Variants in AGAP1 observed in about 807,000 individuals in gnomAD.
AGAP1 encodes the protein arf-GAP with GTPase, ANK repeat and PH domain-containing protein 1.
In AGAP1, 29 loss-of-function variants were observed where a neutral mutation model predicts 105.3. That is an observed-to-expected ratio of 0.28 (90% confidence interval 0.21 to 0.38). AGAP1 has a LOEUF of 0.38. Ranked by LOEUF, AGAP1 falls within the 10% of genes least tolerant of loss-of-function variation. The pLI, the probability that AGAP1 is intolerant of heterozygous loss-of-function variation, is 1.00. For missense variants in AGAP1, 998 were observed against 1,165.1 expected, an observed-to-expected ratio of 0.86 and a Z score of 2.09; for synonymous variants, 509 against 485.9, an observed-to-expected ratio of 1.05 and a Z score of -0.63.
At chr2:235,682,381 T>C (rs1400145887) in intron 1 of AGAP1, among the ~76,000 whole-genome samples, 1 of 151,106 alleles carries the variant, frequency 6.6e-6, no homozygotes, top group Non-Finnish European at 1.5e-5. Context: ...CTCACTCTGT[T>C]GCCCAGGCTG....
chr2:235,876,506 C>T (rs931650513), intron 9 of AGAP1, among the ~76,000 whole-genome samples: 1 of 152,202 alleles, frequency 6.6e-6, no homozygotes. Context: ...CCTCCTTGAA[C>T]GTGGAACCTC....
At chr2:235,511,684 C>T (rs996903491) in intron 1 of AGAP1, among the ~76,000 whole-genome samples, 7 of 152,132 alleles carry the variant, frequency 4.6e-5, no homozygotes, top group African/African-American at 1.4e-4. Context: ...TTGACAATTC[C>T]GCATTCAAGA....
At chr2:235,590,813 C>T (rs1469374735) in intron 1 of AGAP1, among the ~76,000 whole-genome samples, 5 of 147,070 alleles carry the variant, frequency 3.4e-5, no homozygotes, top group Non-Finnish European at 7.5e-5. Context: ...CTCTACCTCC[C>T]GGGTTCATGC....
At chr2:236,025,584 G>A (rs1294108800) in intron 13 of AGAP1, among the ~76,000 whole-genome samples, 4 of 152,074 alleles carry the variant, frequency 2.6e-5, no homozygotes, top group Admixed American at 6.5e-5. Flanking sequence ...CAATGCCACC[G>A]AAGTGTAAAC....
chr2:236,116,357 C>CTTTTTTTTT (rs371846381), intron 16 of AGAP1, among the ~76,000 whole-genome samples: 1 of 129,080 alleles, frequency 7.7e-6, no homozygotes, highest in Non-Finnish European at 1.7e-5. Context: ...TAATTAAGTT[C>CTTTTTTTTT]TTTTTTTTTT....
At chr2:235,817,519 T>A (rs1461932160) in intron 9 of AGAP1, among the ~76,000 whole-genome samples, 2 of 152,134 alleles carry the variant, frequency 1.3e-5, no homozygotes, top group Non-Finnish European at 2.9e-5. Context: ...ACCAAAACAC[T>A]CTTTCCTTGG....
At chr2:235,915,462 C>G (rs183660083) in intron 11 of AGAP1, among the ~76,000 whole-genome samples, 1 of 98,200 alleles carries the variant, frequency 1.0e-5, no homozygotes, top group Admixed American at 1.2e-4. Flanking sequence ...ATCCCCTGAG[C>G]CCAAGAGTTC....
Position 235,963,097 on chromosome 2 carries a change from G to C in AGAP1, c.1484-5365G>C, listed in dbSNP as rs2054256955. On this transcript the variant is annotated intron_variant, in intron 12 of 17. Transcript: ENST00000304032. This position sits in a 1 kb window ranked among gnomAD's most constrained non-coding sequence, Gnocchi z 5.1. ...GGTCTCTTAGAGGAAGGTGGGTGGT[G>C]GTATTTCCAAGTGCTGTCTCCTTCC... is the stretch of plus-strand genomic sequence containing the variant. Among the ~76,000 whole-genome samples, 1 of 152,122 alleles carries C rather than the reference G, an allele frequency of 6.6e-6. No individual in the cohort carries two copies. The highest frequency in any genetic ancestry group is 1.5e-5 in the Non-Finnish European group (1 of 68,022).
intron 16 of AGAP1, among the ~76,000 whole-genome samples, chr2:236,098,560 A>G (rs1333271252): frequency 6.7e-6 from 1 of 150,078 alleles, no homozygotes; most frequent in Admixed American, 6.7e-5. Context: ...ACACAGCAAC[A>G]CTCTATAGCA....
chr2:235,815,522 CACACAGCTGGGTAGTA>C, intron 9 of AGAP1, among the ~76,000 whole-genome samples: 2 of 152,290 alleles, frequency 1.3e-5, no homozygotes, highest in Middle Eastern at 6.8e-3. Context: ...CATCCTGTAA[CACACAGCTGGGTAGTA>C]GCAGAGCTGG....
chr2:235,789,263 A>C lies in AGAP1; in HGVS notation c.674-8496A>C, dbSNP rs114045963. ...GAAAAGGGAAATCCCGCTGCCCTAG[A>C]CATGGTAGAAATTTCCCCTCATTCT... On this transcript the variant is annotated intron_variant, in intron 6 of 17. Transcript: ENST00000304032. This position sits in a 1 kb window ranked among gnomAD's most constrained non-coding sequence, Gnocchi z 4.2. Among the ~76,000 whole-genome samples, 885 of 152,300 alleles carry C rather than the reference A, an allele frequency of 5.8e-3. 4 individuals are homozygous for C. Among genetic ancestry groups the C allele is most frequent in the African/African-American group, 0.02 (818 of 41,558 alleles).
rs910220072 is a variant in AGAP1, at chr2:235,979,794, T to G, written c.1645+11171T>G. Among the ~76,000 whole-genome samples the G allele has an allele frequency of 1.3e-5, 2 of 152,210 alleles. No individual in the cohort carries two copies. The highest frequency in any genetic ancestry group is 2.9e-5 in the Non-Finnish European group (2 of 68,036). The stretch of plus-strand genomic sequence containing the variant: ...ATGAAAAGTGCCTACTGCACACAGT[T>G]TAATTCTATTTAATTTTTTTAAGTG... On this transcript the variant is annotated intron_variant, in intron 13 of 17. Transcript: ENST00000304032. This position sits in a 1 kb window ranked among gnomAD's most constrained non-coding sequence, Gnocchi z 4.5.
chr2:236,089,849 C>G lies in AGAP1; in HGVS notation c.2115-30343C>G, dbSNP rs1382244261. ...ACGCCCTATAAATTTATTAGCATGC[C>G]TCATTTCTCATTGGTGGACTTTCTA... On this transcript the variant is annotated intron_variant, in intron 16 of 17. Transcript: ENST00000304032. The surrounding 1 kb of genome is among the most constrained non-coding windows in gnomAD (Gnocchi z 5.6). Among the ~76,000 whole-genome samples, 1 of 151,942 alleles carries G rather than the reference C, an allele frequency of 6.6e-6. No individual in the cohort carries two copies. Among genetic ancestry groups the G allele is most frequent in the African/African-American group, 2.4e-5 (1 of 41,368 alleles).
At chr2:235,986,425 A>G (rs1340069278) in intron 13 of AGAP1, among the ~76,000 whole-genome samples, 2 of 152,158 alleles carry the variant, frequency 1.3e-5, no homozygotes, top group African/African-American at 4.8e-5. Context: ...AAACAGAGAC[A>G]ATTTGATTTC....
At chr2:235,876,955 C>A (rs987391563) in intron 9 of AGAP1, among the ~76,000 whole-genome samples, 4 of 149,832 alleles carry the variant, frequency 2.7e-5, no homozygotes, top group Non-Finnish European at 4.4e-5. Context: ...TCAAGCAATT[C>A]TTCTGCCTCA....
chr2:235,558,237 C>G (rs1421914072), intron 1 of AGAP1, among the ~76,000 whole-genome samples: 1 of 152,108 alleles, frequency 6.6e-6, no homozygotes, highest in African/African-American at 2.4e-5. Flanking sequence ...TGGAGATGGA[C>G]CAGGCTCTCC....
intron 9 of AGAP1, among the ~76,000 whole-genome samples, chr2:235,822,414 G>A (rs1353795281): frequency 6.6e-6 from 1 of 151,494 alleles, no homozygotes. Context: ...GAGAAGCCCA[G>A]GGGTGAGGGG....
chr2:235,596,243 G>A lies in AGAP1; in HGVS notation c.163+101394G>A, dbSNP rs1469456864. On this transcript the variant is annotated intron_variant, in intron 1 of 17. Transcript: ENST00000304032. The surrounding 1 kb of genome is among the most constrained non-coding windows in gnomAD (Gnocchi z 5.9). Reference sequence around the variant, plus strand: ...ACGGAGTCAGAACCCGGCCATGGATGTGTATTCACTGTTATTTAACAGATG... The same window carrying A: ...ACGGAGTCAGAACCCGGCCATGGATATGTATTCACTGTTATTTAACAGATG... 6.6e-6 allele frequency among the ~76,000 whole-genome samples: 1 copy of A among 152,230 alleles called. No homozygotes were observed. Among genetic ancestry groups the A allele is most frequent in the Non-Finnish European group, 1.5e-5 (1 of 68,044 alleles).
At position 236,109,095 on chromosome 2, in the gene AGAP1, A is replaced by G. The variant is rs1304719804; in HGVS notation, c.2115-11097A>G. Among the ~76,000 whole-genome samples the G allele has an allele frequency of 6.6e-6, 1 of 152,138 alleles. No homozygotes were observed. The highest frequency in any genetic ancestry group is 1.5e-5 in the Non-Finnish European group (1 of 68,030). On this transcript the variant is annotated intron_variant, in intron 16 of 17. Transcript: ENST00000304032. The surrounding 1 kb of genome is among the most constrained non-coding windows in gnomAD (Gnocchi z 5.4). ...ACAGAGAATGGGGCATTGCAGGAAG[A>G]CAGCATTTCTCTCTGAAGGTAGTTG...
Sources: allele counts gnomAD v4.1 joint callset (sites outside exome capture counted in the v4.1 genomes callset), GRCh38; gene constraint gnomAD v4.1.1; non-coding constraint Gnocchi (gnomAD v3.1); transcripts MANE v1.5; gene names NCBI Gene and HGNC (gene_info 2026-07-23, HGNC 2026-07-21).